Variants in CAMTA1 observed in about 807,000 individuals in gnomAD.
CAMTA1 encodes the protein calmodulin-binding transcription activator 1.
A neutral mutation model predicts 170.9 loss-of-function variants in CAMTA1; 27 were observed. The observed-to-expected ratio is 0.16, with a 90% CI of 0.12 to 0.22. CAMTA1 has a LOEUF of 0.22. CAMTA1 is among the 10% of genes least tolerant of loss of function. The pLI is 1.00. For missense variants in CAMTA1, 1,619 were observed against 2,217.2 expected (o/e 0.73, Z 5.42); for synonymous variants, 833 against 891.5 (o/e 0.93, Z 1.17).
At chr1:7,253,494 T>G (rs1666917216) in intron 5 of CAMTA1, among the ~76,000 whole-genome samples, 1 of 152,184 alleles carries the variant, frequency 6.6e-6, no homozygotes, top group African/African-American at 2.4e-5. Flanking sequence ...CCTCTCCAGT[T>G]TCTTTGCTGC....
chr1:7,526,189 G>T (rs555963786), intron 6 of CAMTA1, among the ~76,000 whole-genome samples: 12 of 152,052 alleles, frequency 7.9e-5, no homozygotes, highest in Non-Finnish European at 1.3e-4. Flanking sequence ...CAGGACAGAA[G>T]CACGGGGAAG....
intron 3 of CAMTA1, among the ~76,000 whole-genome samples, chr1:7,039,857 A>G (rs1704158127): frequency 6.6e-6 from 1 of 152,146 alleles, no homozygotes; most frequent in African/African-American, 2.4e-5. Context: ...CTGGAAAGAT[A>G]TAGACAAGTC....
intron 5 of CAMTA1, among the ~76,000 whole-genome samples, chr1:7,405,245 G>A (rs1317674647): frequency 6.6e-6 from 1 of 152,008 alleles, no homozygotes; most frequent in Non-Finnish European, 1.5e-5. Flanking sequence ...CCACAAGATG[G>A]GCCTAAAAGC....
At chr1:6,962,400 C>A (rs983014461) in intron 3 of CAMTA1, among the ~76,000 whole-genome samples, 2 of 141,256 alleles carry the variant, frequency 1.4e-5, no homozygotes, top group African/African-American at 2.6e-5. Context: ...CCTCTGGGCC[C>A]GCCCTCCGAT....
chr1:7,200,490 GATC>G, intron 4 of CAMTA1, among the ~76,000 whole-genome samples: 1 of 152,172 alleles, frequency 6.6e-6, no homozygotes, highest in Non-Finnish European at 1.5e-5. Flanking sequence ...TTCAATCTGG[GATC>G]ATGGGGCGCA....
At chr1:7,152,196 G>A (rs1350149050) in intron 4 of CAMTA1, among the ~76,000 whole-genome samples, 1 of 152,194 alleles carries the variant, frequency 6.6e-6, no homozygotes, top group African/African-American at 2.4e-5. Context: ...TAGATGATGC[G>A]ATCACAGCCT....
chr1:7,715,123 C>G (rs942758139), intron 11 of CAMTA1, among the ~76,000 whole-genome samples: 1 of 152,102 alleles, frequency 6.6e-6, no homozygotes, highest in Non-Finnish European at 1.5e-5. Flanking sequence ...CCACCTCACA[C>G]AGGATTGTTA....
At chr1:6,894,099 G>A (rs1675146700) in intron 3 of CAMTA1, among the ~76,000 whole-genome samples, 1 of 152,212 alleles carries the variant, frequency 6.6e-6, no homozygotes, top group Non-Finnish European at 1.5e-5. Context: ...TTAAGTGAAC[G>A]GAGAACTGGG....
chr1:7,678,759 G>C (rs2149286203), intron 11 of CAMTA1, among the ~76,000 whole-genome samples: 1 of 152,308 alleles, frequency 6.6e-6, no homozygotes, highest in South Asian at 2.1e-4. Flanking sequence ...TGAGGTCTGG[G>C]CTAAGCTGAG....
intron 4 of CAMTA1, among the ~76,000 whole-genome samples, chr1:7,246,748 C>T (rs934936904): frequency 1.4e-5 from 2 of 145,638 alleles, no homozygotes; most frequent in African/African-American, 5.3e-5. Context: ...CTCACTGCAA[C>T]CTCTGCCTCC....
At chr1:6,892,587 TTTTTC>T (rs1406526857) in intron 3 of CAMTA1, among the ~76,000 whole-genome samples, 1 of 147,216 alleles carries the variant, frequency 6.8e-6, no homozygotes, top group African/African-American at 2.5e-5. Flanking sequence ...CAAGCAAATT[TTTTTC>T]TTTTCTTTTT....
intron 1 of CAMTA1, among the ~76,000 whole-genome samples, chr1:6,817,933 T>G (rs1042107781): frequency 6.6e-6 from 1 of 152,180 alleles, no homozygotes; most frequent in African/African-American, 2.4e-5. Flanking sequence ...AAGACTTTAT[T>G]TATATGGACC....
chr1:7,536,066 C>G, intron 6 of CAMTA1, among the ~76,000 whole-genome samples: 1 of 152,184 alleles, frequency 6.6e-6, no homozygotes, highest in African/African-American at 2.4e-5. Flanking sequence ...ACAACCTCCT[C>G]GTGGCATTAA....
chr1:7,148,577 G>A (rs969470225), intron 4 of CAMTA1, among the ~76,000 whole-genome samples: 2 of 152,126 alleles, frequency 1.3e-5, no homozygotes, highest in South Asian at 2.1e-4. Flanking sequence ...CAGTCCCCAC[G>A]TTGCCACCTT....
At chr1:7,462,330 A>G (rs2093109918) in intron 5 of CAMTA1, among the ~76,000 whole-genome samples, 1 of 152,114 alleles carries the variant, frequency 6.6e-6, no homozygotes, top group African/African-American at 2.4e-5. Context: ...CAGTGGCATA[A>G]TCTTGCCTTA....
chr1:7,018,528 C>A (rs990920625), intron 3 of CAMTA1, among the ~76,000 whole-genome samples: 9 of 152,084 alleles, frequency 5.9e-5, no homozygotes, highest in African/African-American at 2.2e-4. Flanking sequence ...CAAACATTCC[C>A]CATCCTTCCA....
At chr1:6,994,562 G>A (rs1696895937) in intron 3 of CAMTA1, among the ~76,000 whole-genome samples, 1 of 152,096 alleles carries the variant, frequency 6.6e-6, no homozygotes, top group South Asian at 2.1e-4. Context: ...TGCGGAACGT[G>A]TCCTTTATTT....
intron 16 of CAMTA1, among the ~76,000 whole-genome samples, chr1:7,741,619 G>T (rs907197675): frequency 6.6e-6 from 1 of 152,100 alleles, no homozygotes. Context: ...AGAAGGACAG[G>T]TGCGGTGGCT....
intron 3 of CAMTA1, chr1:6,886,215 A>T: frequency 2.2e-6 from 1 of 456,030 alleles, no homozygotes; most frequent in Non-Finnish European, 4.4e-6. Flanking sequence ...GAAGAGAAGA[A>T]TAAATACTGT....
Sources: gnomAD v4.1 joint callset for allele counts (sites outside exome capture counted in the v4.1 genomes callset) on GRCh38, gnomAD v4.1.1 for gene constraint, MANE v1.5 for transcripts, NCBI Gene and HGNC (gene_info 2026-07-23, HGNC 2026-07-21) for gene names.